Variants in ATP1B3 observed in about 807,000 individuals in gnomAD.
ATP1B3 encodes the protein sodium/potassium-transporting ATPase subunit beta-3.
In ATP1B3, 10 loss-of-function variants were observed where a neutral mutation model predicts 30.2. The ratio of observed to expected loss-of-function variants is 0.33; its 90% CI spans 0.20 to 0.56. The LOEUF is 0.56. ATP1B3 is among the 20% of genes least tolerant of loss of function. The pLI is 0.90. For missense variants in ATP1B3, 238 were observed against 336.7 expected (o/e 0.71, Z 2.29); for synonymous variants, 113 against 117.0 (o/e 0.97, Z 0.22).
intron 1 of ATP1B3, among the ~76,000 whole-genome samples, chr3:141,889,784 C>T (rs1471523410): frequency 2.8e-5 from 4 of 141,514 alleles, no homozygotes; most frequent in Non-Finnish European, 4.5e-5. Context: ...CACACACACA[C>T]ACACACACAC....
chr3:141,920,053 TTTA>T (rs1934539300), intron 5 of ATP1B3, among the ~76,000 whole-genome samples: 1 of 152,220 alleles, frequency 6.6e-6, no homozygotes, highest in Non-Finnish European at 1.5e-5. Context: ...TTTCTAAATG[TTTA>T]TTTTCACAGA....
At chr3:141,893,743 A>G (rs1934005146) in intron 1 of ATP1B3, among the ~76,000 whole-genome samples, 2 of 152,192 alleles carry the variant, frequency 1.3e-5, no homozygotes. Flanking sequence ...AATCAAGATA[A>G]TGAACATTTA....
intron 1 of ATP1B3, among the ~76,000 whole-genome samples, chr3:141,881,819 A>G (rs758859055): frequency 2.0e-5 from 3 of 152,198 alleles, no homozygotes; most frequent in Non-Finnish European, 4.4e-5. Flanking sequence ...CCCTGTGTGC[A>G]GGCTATAAAC....
intron 2 of ATP1B3, among the ~76,000 whole-genome samples, chr3:141,906,409 A>C (rs1416117385): frequency 6.6e-6 from 1 of 152,116 alleles, no homozygotes; most frequent in Non-Finnish European, 1.5e-5. Context: ...CGACCTCCTG[A>C]CCTCAAGTGA....
At chr3:141,921,273 A>G (rs747055784) in intron 5 of ATP1B3, among the ~76,000 whole-genome samples, 25 of 152,332 alleles carry the variant, frequency 1.6e-4, no homozygotes, top group Non-Finnish European at 2.6e-4. Flanking sequence ...GAATAATACT[A>G]GAAATAACTA....
chr3:141,901,659 A>G (rs1934165066), intron 1 of ATP1B3, among the ~76,000 whole-genome samples: 1 of 152,132 alleles, frequency 6.6e-6, no homozygotes, highest in African/African-American at 2.4e-5. Flanking sequence ...CTTAGAAAGC[A>G]GATTTGGATA....
chr3:141,899,054 G>C (rs1934117007), intron 1 of ATP1B3, among the ~76,000 whole-genome samples: 1 of 152,186 alleles, frequency 6.6e-6, no homozygotes, highest in African/African-American at 2.4e-5. Context: ...AAGTAGACTA[G>C]TGATTGCCAG....
intron 1 of ATP1B3, among the ~76,000 whole-genome samples, chr3:141,898,979 A>C (rs1030058716): frequency 6.6e-6 from 1 of 152,218 alleles, no homozygotes; most frequent in Non-Finnish European, 1.5e-5. Flanking sequence ...GAAGCCAGTG[A>C]CAAAAGCCAT....
chr3:141,910,155 A>G (rs890376535), intron 3 of ATP1B3, among the ~76,000 whole-genome samples: 1 of 151,976 alleles, frequency 6.6e-6, no homozygotes, highest in Admixed American at 6.6e-5. Context: ...AATTTTTTGT[A>G]GAGCTGGGGT....
chr3:141,887,517 AATAT>A (rs1412334201), intron 1 of ATP1B3, among the ~76,000 whole-genome samples: 1 of 152,212 alleles, frequency 6.6e-6, no homozygotes, highest in Non-Finnish European at 1.5e-5. Flanking sequence ...TATAAAGGTA[AATAT>A]ATACCCACCC....
chr3:141,876,679 C>A lies in ATP1B3; in HGVS notation c.-123C>A. 1.5e-6 allele frequency: 1 copy of A among 648,302 alleles called. No homozygotes were observed. The highest frequency in any genetic ancestry group is 2.6e-6 in the Non-Finnish European group (1 of 388,458). 40.2% of individuals were successfully genotyped at this position (648,302 alleles called of 1,614,324 possible). A position where few individuals can be genotyped will look rare whatever the true frequency, so the allele number is the denominator to read the frequency against. ...GTACTCCCCGTAACGAGGAGGTGTT[C>A]TCGGCCGTCCCACCCTTCACTGCCG... On this transcript the variant is annotated 5_prime_UTR_variant, in exon 1 of 7. Transcript: ENST00000286371.
chr3:141,891,900 T>C (rs1233966505), intron 1 of ATP1B3, among the ~76,000 whole-genome samples: 1 of 152,066 alleles, frequency 6.6e-6, no homozygotes, highest in Non-Finnish European at 1.5e-5. Flanking sequence ...TCTTTTTTTT[T>C]TTTAATGTTT....
At chr3:141,902,040 T>C in intron 1 of ATP1B3, 1 of 918,560 alleles carries the variant, frequency 1.1e-6, no homozygotes, top group Non-Finnish European at 1.5e-6. Context: ...CTTCTGTATC[T>C]TATTAAACTG....
At chr3:141,887,351 TATAAC>T (rs1274668687) in intron 1 of ATP1B3, among the ~76,000 whole-genome samples, 2 of 152,214 alleles carry the variant, frequency 1.3e-5, no homozygotes, top group Non-Finnish European at 2.9e-5. Context: ...GTTCTTTTCT[TATAAC>T]AAAAGTAACA....
At chr3:141,889,746 A>ATATATATATAT (rs1379745968) in intron 1 of ATP1B3, among the ~76,000 whole-genome samples, 42 of 100,996 alleles carry the variant, frequency 4.2e-4, no homozygotes, top group African/African-American at 1.9e-3. Flanking sequence ...AAAAAAAAAA[A>ATATATATATAT]AAAAATATAT....
In ATP1B3 at chr3:141,899,923, C is replaced by G. The variant is rs189228699; in HGVS notation, c.110-3697C>G. 7.2e-5 allele frequency among the ~76,000 whole-genome samples: 11 copies of G among 152,130 alleles called. No individual in the cohort carries two copies. The East Asian group carries it at 2.1e-3, about 29-fold the overall frequency. ...GCACACAACTGTAGTCCCAACTTCT[C>G]AGGAAGCTGAGACAGGAGAATCACT... On this transcript the variant is annotated intron_variant, in intron 1 of 6. Coordinates refer to ENST00000286371, the MANE Select transcript of ATP1B3 (RefSeq NM_001679.4).
chr3:141,924,574 G>A (rs1425252409), intron 6 of ATP1B3, among the ~76,000 whole-genome samples: 1 of 152,132 alleles, frequency 6.6e-6, no homozygotes, highest in Non-Finnish European at 1.5e-5. Flanking sequence ...GCTTGAACCT[G>A]GGAGGTGGAG....
chr3:141,895,771 C>T (rs985574860), intron 1 of ATP1B3, among the ~76,000 whole-genome samples: 25 of 151,976 alleles, frequency 1.6e-4, no homozygotes, highest in Admixed American at 1.4e-3. Context: ...GCTAACTTTT[C>T]AAAAAATTGT....
At chr3:141,908,068 C>CTTTTTTTTTTTTTT (rs56374653) in intron 3 of ATP1B3, among the ~76,000 whole-genome samples, 39 of 109,194 alleles carry the variant, frequency 3.6e-4, no homozygotes, top group African/African-American at 4.7e-4. Flanking sequence ...GCCAGGCATT[C>CTTTTTTTTTTTTTT]TTTTTTTTTT....
Sources: gnomAD v4.1 joint callset for allele counts (sites outside exome capture counted in the v4.1 genomes callset) on GRCh38, gnomAD v4.1.1 for gene constraint, MANE v1.5 for transcripts, NCBI Gene and HGNC (gene_info 2026-07-23, HGNC 2026-07-21) for gene names.